The following DUSP14 variants were observed in gnomAD, a reference collection of about 807,000 sequenced individuals.
The protein encoded by DUSP14 is dual specificity protein phosphatase 14.
A neutral mutation model predicts 13.2 loss-of-function variants in DUSP14; 5 were observed. The observed-to-expected ratio is 0.38, with a 90% confidence interval of 0.20 to 0.80. The LOEUF (loss-of-function observed/expected upper bound fraction) is 0.80. DUSP14 is among the 30% of genes least tolerant of loss of function. The pLI is 0.44. For synonymous variants in DUSP14, 91 were observed against 103.4 expected, an observed-to-expected ratio of 0.88 and a Z score of 0.73; for missense variants, 185 against 264.0, an observed-to-expected ratio of 0.70 and a Z score of 2.07.
intron 1 of DUSP14, among the ~76,000 whole-genome samples, chr17:37,509,138 C>T (rs1214163443): frequency 0.24 from 8,632 of 35,248 alleles, 1,907 homozygotes; most frequent in East Asian, 0.79. Context: ...TACACACACA[C>T]ACACACACAC....
Position 37,512,820 on chromosome 17 carries a change from A to C in DUSP14, c.548A>C (p.Asp183Ala). Residue 183 changes from aspartate (D) to alanine (A), a missense_variant, in exon 3 of 3, where the codon GAC becomes GCC. Transcript: ENST00000617516. The surrounding 1 kb of genome is among the most constrained non-coding windows in gnomAD (Gnocchi z 4.8). The stretch of plus-strand genomic sequence containing the variant: ...CAGACACCTTATGGCATAGTTCCCG[A>C]CGTCTATGAGAAGGAGTCCCGACAC... ...MVQTPYGIVP[D>A]VYEKESRHLM... is the part of the protein sequence containing the mutation. 6.2e-7 allele frequency: 1 copy of C among 1,612,178 alleles called. No individual in the cohort carries two copies. Among genetic ancestry groups the C allele is most frequent in the Non-Finnish European group, 8.5e-7 (1 of 1,178,688 alleles).
chr17:37,493,009 A>ATGTGTATGTATGTGTG (rs1238671315), intron 1 of DUSP14, among the ~76,000 whole-genome samples: 7 of 151,802 alleles, frequency 4.6e-5, no homozygotes, highest in African/African-American at 2.4e-5. Flanking sequence ...GTGTGTGTGT[A>ATGTGTATGTATGTGTG]TGTGTATGTA....
chr17:37,511,846 C>A (rs1380129611), intron 2 of DUSP14, among the ~76,000 whole-genome samples: 1 of 150,672 alleles, frequency 6.6e-6, no homozygotes, highest in East Asian at 1.9e-4. Flanking sequence ...GTCTTGAACT[C>A]CTGGGCTTAA....
chr17:37,490,158 G>A (rs1234729981), intron 1 of DUSP14, among the ~76,000 whole-genome samples, 200 bp downstream of exon 1: 2 of 151,006 alleles, frequency 1.3e-5, no homozygotes, highest in African/African-American at 4.9e-5. Context: ...GCGGAGGAGA[G>A]GCCCGAGACC....
chr17:37,491,529 C>G (rs990627756), intron 1 of DUSP14: 4 of 152,214 alleles, frequency 2.6e-5, no homozygotes, highest in Non-Finnish European at 4.4e-5. Flanking sequence ...CACCATAAAA[C>G]TGGAGACAGT....
At chr17:37,494,285 A>G (rs1214354935) in intron 1 of DUSP14, among the ~76,000 whole-genome samples, 4 of 152,096 alleles carry the variant, frequency 2.6e-5, no homozygotes, top group Non-Finnish European at 4.4e-5. Flanking sequence ...GAGCCACCGC[A>G]CCCAGCCTTT....
chr17:37,492,927 T>C (rs2054038555), intron 1 of DUSP14, among the ~76,000 whole-genome samples: 1 of 152,202 alleles, frequency 6.6e-6, no homozygotes, highest in South Asian at 2.1e-4. Context: ...TTTATTTTGC[T>C]TGTTTTTAAC....
At chr17:37,508,766 A>AATAT in intron 1 of DUSP14, among the ~76,000 whole-genome samples, 1 of 142,590 alleles carries the variant, frequency 7.0e-6, no homozygotes, top group African/African-American at 2.6e-5. Flanking sequence ...TGTATAAATA[A>AATAT]ATATATATGT....
intron 1 of DUSP14, among the ~76,000 whole-genome samples, chr17:37,496,074 C>G (rs2054063330): frequency 6.6e-6 from 1 of 152,200 alleles, no homozygotes; most frequent in African/African-American, 2.4e-5. Flanking sequence ...TAGCTAAAAT[C>G]TAAATCTTAG....
intron 1 of DUSP14, among the ~76,000 whole-genome samples, chr17:37,506,633 T>C (rs1021150221): frequency 6.6e-6 from 1 of 152,188 alleles, no homozygotes; most frequent in Non-Finnish European, 1.5e-5. Flanking sequence ...ACACATTTAC[T>C]GAGTAGATTT....
rs916867180 is a variant in DUSP14, at chr17:37,512,980, G to GTT, written c.*116_*117dup. The GTT allele has an allele frequency of 1.1e-6, 1 of 922,432 alleles. No individual in the cohort carries two copies. The highest frequency in any genetic ancestry group is 2.3e-5 in the Admixed American group (1 of 42,720). 57.1% of individuals were successfully genotyped at this position (922,432 alleles called of 1,614,324 possible). A position where few individuals can be genotyped will look rare whatever the true frequency, so the allele number is the denominator to read the frequency against. On this transcript the variant is annotated 3_prime_UTR_variant, in exon 3 of 3. Coordinates refer to ENST00000617516, the MANE Select transcript of DUSP14 (RefSeq NM_007026.4). The surrounding 1 kb of genome is among the most constrained non-coding windows in gnomAD (Gnocchi z 4.8). ...GCTGACTTCTGGTTCTCCCTCAAGTGTTTTTTACACTGGGTGTTCAAATTT... is the reference window on the plus strand; with the variant it reads ...GCTGACTTCTGGTTCTCCCTCAAGTGTTTTTTTTACACTGGGTGTTCAAATTT...
intron 1 of DUSP14, among the ~76,000 whole-genome samples, chr17:37,502,307 ATGTAGC>A (rs1166632442): frequency 6.6e-6 from 1 of 150,998 alleles, no homozygotes; most frequent in Non-Finnish European, 1.5e-5. Context: ...TCTGCCTGCC[ATGTAGC>A]TGGGACCACA....
At chr17:37,499,732 G>A (rs896593887) in intron 1 of DUSP14, among the ~76,000 whole-genome samples, 2 of 151,896 alleles carry the variant, frequency 1.3e-5, no homozygotes, top group African/African-American at 4.8e-5. Context: ...GTTTCACCAT[G>A]TTGGCCGGGC....
intron 1 of DUSP14, among the ~76,000 whole-genome samples, chr17:37,497,006 A>G (rs925031891): frequency 7.2e-5 from 11 of 151,900 alleles, no homozygotes; most frequent in African/African-American, 2.7e-4. Flanking sequence ...CTCATACTTT[A>G]TCTTTTATAA....
At chr17:37,496,024 A>G (rs576984589) in intron 1 of DUSP14, among the ~76,000 whole-genome samples, 67 of 152,358 alleles carry the variant, frequency 4.4e-4, no homozygotes, top group African/African-American at 1.6e-3. Context: ...TACAAATTAC[A>G]TACAAATTTG....
At chr17:37,490,943 G>A (rs888096766) in intron 1 of DUSP14, among the ~76,000 whole-genome samples, 1 of 152,126 alleles carries the variant, frequency 6.6e-6, no homozygotes, top group African/African-American at 2.4e-5. Flanking sequence ...AGTCCCTAAG[G>A]CCACTCAGAA....
intron 1 of DUSP14, among the ~76,000 whole-genome samples, chr17:37,509,232 CTA>C (rs1399808944): frequency 2.0e-5 from 2 of 98,572 alleles, no homozygotes; most frequent in African/African-American, 4.2e-5. Context: ...TATATACACA[CTA>C]TATACACACT....
intron 2 of DUSP14, among the ~76,000 whole-genome samples, chr17:37,511,294 G>A (rs2054183167): frequency 6.6e-6 from 1 of 151,980 alleles, no homozygotes; most frequent in Non-Finnish European, 1.5e-5. Context: ...TTGGGTTTTT[G>A]TTTTTGTTTT....
chr17:37,496,073 TCTAAATCTTAGATTTAA>T (rs1309091897), intron 1 of DUSP14, among the ~76,000 whole-genome samples: 2 of 152,228 alleles, frequency 1.3e-5, no homozygotes, highest in Admixed American at 6.5e-5. Flanking sequence ...TTAGCTAAAA[TCTAAATCTTAGATTTAA>T]CTAAATCTTT....
Sources: allele counts gnomAD v4.1 joint callset (sites outside exome capture counted in the v4.1 genomes callset), GRCh38; gene constraint gnomAD v4.1.1; non-coding constraint Gnocchi (gnomAD v3.1); transcripts MANE v1.5; gene names NCBI Gene and HGNC (gene_info 2026-07-23, HGNC 2026-07-21).